Variants in TBC1D9 observed in about 807,000 individuals in gnomAD.
TBC1D9 encodes the protein TBC1 domain family member 9A.
A neutral mutation model predicts 132.0 loss-of-function variants in TBC1D9; 63 were observed. The observed-to-expected ratio is 0.48, with a 90% CI of 0.39 to 0.59. TBC1D9 has a LOEUF of 0.59. TBC1D9 is among the 20% of genes least tolerant of loss of function. TBC1D9 has a pLI of 0.00. For synonymous variants in TBC1D9, 610 were observed against 609.9 expected (o/e 1.00, Z 0.00); for missense variants, 1,261 against 1,592.7 (o/e 0.79, Z 3.54).
At chr4:140,643,954 T>C in intron 13 of TBC1D9, 1 of 618,378 alleles carries the variant, frequency 1.6e-6, no homozygotes. Context: ...ACCTCCACCT[T>C]CGCCTCCTGT....
chr4:140,756,128 G>T lies in TBC1D9; in HGVS notation c.-83C>A. 2 of 1,199,568 alleles carry T rather than the reference G, an allele frequency of 1.7e-6. No homozygotes were observed. Among genetic ancestry groups the T allele is most frequent in the Non-Finnish European group, 2.2e-6 (2 of 914,972 alleles). The allele number at this position is 1,199,568 out of a possible 1,614,324, so 74.3% of individuals were successfully genotyped here. ...CCACCGCGACAGGCGCGCACTCCTGGGCACACGCGCGCCCGCCCGCCCGTC... is the reference window on the plus strand; with the variant it reads ...CCACCGCGACAGGCGCGCACTCCTGTGCACACGCGCGCCCGCCCGCCCGTC... On this transcript the variant is annotated 5_prime_UTR_variant, in exon 1 of 21. Transcript: ENST00000442267. This position sits in a 1 kb window ranked among gnomAD's most constrained non-coding sequence, Gnocchi z 5.6.
intron 16 of TBC1D9, 137 bp downstream of exon 16, chr4:140,633,811 A>C: frequency 1.0e-6 from 1 of 999,556 alleles, no homozygotes; most frequent in East Asian, 2.6e-5. Context: ...TCCATATACT[A>C]TGTTCATGAA....
chr4:140,707,065 G>C (rs1024752869), intron 1 of TBC1D9, among the ~76,000 whole-genome samples: 1 of 152,008 alleles, frequency 6.6e-6, no homozygotes, highest in Non-Finnish European at 1.5e-5. Flanking sequence ...GCTCTCTAAA[G>C]TGCTCAAGAA....
intron 13 of TBC1D9, among the ~76,000 whole-genome samples, chr4:140,655,368 A>AT (rs34702949): frequency 1.1e-4 from 16 of 151,948 alleles, no homozygotes; most frequent in Non-Finnish European, 2.4e-4. Context: ...ATCCATAGCA[A>AT]TTTTTTTTAA....
At chr4:140,691,740 T>A (rs1383454275) in intron 2 of TBC1D9, among the ~76,000 whole-genome samples, 1 of 152,250 alleles carries the variant, frequency 6.6e-6, no homozygotes, top group Non-Finnish European at 1.5e-5. Context: ...AGAACAATTA[T>A]CATTTCAAGC....
At chr4:140,714,586 G>A (rs1738301720) in intron 1 of TBC1D9, among the ~76,000 whole-genome samples, 1 of 152,156 alleles carries the variant, frequency 6.6e-6, no homozygotes, top group Non-Finnish European at 1.5e-5. Flanking sequence ...GACAGCAAAT[G>A]TTTTCTCTTC....
chr4:140,697,576 C>T (rs1282574252), intron 2 of TBC1D9, among the ~76,000 whole-genome samples: 3 of 152,210 alleles, frequency 2.0e-5, no homozygotes, highest in Non-Finnish European at 4.4e-5. Flanking sequence ...GAAAACTATA[C>T]ATCTCTTTGG....
At chr4:140,747,322 C>T (rs1361273378) in intron 1 of TBC1D9, among the ~76,000 whole-genome samples, 4 of 150,918 alleles carry the variant, frequency 2.7e-5, no homozygotes, top group South Asian at 2.1e-4. Context: ...ACTGCACTCC[C>T]GCCTGGATGA....
intron 13 of TBC1D9, among the ~76,000 whole-genome samples, chr4:140,653,724 CACTT>C (rs1737221962): frequency 6.6e-6 from 1 of 152,160 alleles, no homozygotes; most frequent in Admixed American, 6.6e-5. Context: ...AGAGTAGTGA[CACTT>C]AAGCAGAGAA....
rs2111008077 is a variant in TBC1D9 at position 140,668,934 on chromosome 4, A to C, written c.1571T>G (p.Leu524Arg). ...KGIPESMRGE[L>R]WLLLSGAINE... ...GGCCGTACCTGACAGCAGCAGCCAG[A>C]GCTCCCCACGCATGCTCTCCGGGAT... The change falls in exon 9 of 21, where the codon CTC becomes CGC. Residue 524 changes from leucine to arginine, a missense_variant. Physicochemically the swap from Leu to Arg is moderately radical, Grantham distance 102. Transcript: ENST00000442267. 1 of 1,613,896 alleles carries C rather than the reference A, an allele frequency of 6.2e-7. No individual in the cohort carries two copies. Among genetic ancestry groups the C allele is most frequent in the Non-Finnish European group, 8.5e-7 (1 of 1,179,864 alleles).
intron 2 of TBC1D9, among the ~76,000 whole-genome samples, chr4:140,687,972 C>G (rs1417511112): frequency 6.6e-6 from 1 of 152,000 alleles, no homozygotes; most frequent in South Asian, 2.1e-4. Flanking sequence ...TGCCTGTAGT[C>G]CAGCTACTTG....
chr4:140,675,631 T>G (rs7688253), intron 6 of TBC1D9, among the ~76,000 whole-genome samples: 10,622 of 152,260 alleles, frequency 0.07, 614 homozygotes, highest in African/African-American at 0.16. Flanking sequence ...TTTCTTAGAC[T>G]TTACTGTGCA....
chr4:140,627,524 G>A lies in TBC1D9; in HGVS notation c.2816C>T (p.Pro939Leu). ...LLYKMHVLPE[P>L]SSDQDEPDSA... ...ATCTGGTTCATCTTGATCAGAGGAT[G>A]GCTCTAGGGAGGGGAGGAAACATAG... The change falls in exon 18 of 21, where the codon CCA becomes CTA. Residue 939 changes from proline (P) to leucine (L), a missense_variant. By Grantham distance (98) the Pro-to-Leu change is moderately conservative. This residue lies in a region of TBC1D9 where 618 missense variants were observed against 724.4 expected (regional missense o/e 0.85). Transcript: ENST00000442267. The A allele has an allele frequency of 6.2e-7, 1 of 1,603,352 alleles. No individual in the cohort carries two copies. Among genetic ancestry groups the A allele is most frequent in the South Asian group, 1.1e-5 (1 of 89,580 alleles).
Position 140,657,563 on chromosome 4 carries a change from C to T in TBC1D9, c.2171G>A (p.Cys724Tyr). ...LDANVDKLLN[C>Y]KDDGEAMTVL... The stretch of plus-strand genomic sequence containing the variant: ...GGTCATGGCCTCCCCATCATCCTTG[C>T]AGTTCAACAGTTTGTCCACATTTGC... Residue 724 changes from cysteine to tyrosine, a missense_variant, in exon 12 of 21, where the codon TGC (cysteine) becomes TAC (tyrosine). Cys to Tyr is a radical substitution (Grantham distance 194). Coordinates refer to ENST00000442267, the MANE Select transcript of TBC1D9 (RefSeq NM_015130.3). The T allele has an allele frequency of 6.2e-7, 1 of 1,613,934 alleles. No individual in the cohort carries two copies. The highest frequency in any genetic ancestry group is 2.2e-5 in the East Asian group (1 of 44,884).
In TBC1D9 at chr4:140,655,521, T is replaced by G. The variant is rs76381004; in HGVS notation, c.2337+1576A>C. On this transcript the variant is annotated intron_variant, in intron 13 of 20. Coordinates refer to ENST00000442267, the MANE Select transcript of TBC1D9 (RefSeq NM_015130.3). ...AACACCTGTAGAGAGCATAGTGCGCTCAGCAGAATACTCAGGCTTTCTCAG... is the reference window on the plus strand; with the variant it reads ...AACACCTGTAGAGAGCATAGTGCGCGCAGCAGAATACTCAGGCTTTCTCAG... Among the ~76,000 whole-genome samples the G allele has an allele frequency of 2.2e-3, 342 of 152,326 alleles. 1 individual carries two copies. Among genetic ancestry groups the G allele is most frequent in the African/African-American group, 7.8e-3 (323 of 41,580 alleles).
intron 13 of TBC1D9, chr4:140,643,400 C>G (rs2110981884): frequency 5.3e-6 from 2 of 379,970 alleles, no homozygotes; most frequent in Non-Finnish European, 7.6e-6. Flanking sequence ...CCATGGCCAC[C>G]TCCATGCCAG....
At chr4:140,705,680 C>T (rs1015851786) in intron 1 of TBC1D9, among the ~76,000 whole-genome samples, 1 of 152,154 alleles carries the variant, frequency 6.6e-6, no homozygotes, top group Non-Finnish European at 1.5e-5. Context: ...GAAATCTGGT[C>T]TAGAGAATCC....
At chr4:140,671,069 T>C (rs1041066167) in intron 6 of TBC1D9, 143 bp from the exon 7 acceptor site, 5 of 646,768 alleles carry the variant, frequency 7.7e-6, no homozygotes, top group Non-Finnish European at 1.3e-5. Context: ...CTGAGACTCT[T>C]TGACTCTGTT....
At chr4:140,643,709 C>A in intron 13 of TBC1D9, 1 of 1,205,670 alleles carries the variant, frequency 8.3e-7, no homozygotes, top group East Asian at 2.5e-5. Flanking sequence ...CCAATGCGGC[C>A]GTGCAGGGTT....
Sources: allele counts gnomAD v4.1 joint callset (sites outside exome capture counted in the v4.1 genomes callset), GRCh38; gene constraint gnomAD v4.1.1; regional missense constraint gnomAD v4.1.1; non-coding constraint Gnocchi (gnomAD v3.1); transcripts MANE v1.5; gene names NCBI Gene and HGNC (gene_info 2026-07-23, HGNC 2026-07-21).